PRKG1: variants seen among roughly 807,000 people sequenced by gnomAD.
PRKG1 encodes protein kinase cGMP-dependent 1, also known as cGMP-dependent protein kinase 1.
A neutral mutation model predicts 88.1 loss-of-function variants in PRKG1; 35 were observed. The observed-to-expected ratio is 0.40, with a 90% CI of 0.30 to 0.53. The LOEUF (loss-of-function observed/expected upper bound fraction) is 0.53. Ranked by LOEUF, PRKG1 falls within the 20% of genes least tolerant of loss-of-function variation. The pLI is 0.59. For synonymous variants in PRKG1, 303 were observed against 292.5 expected, an observed-to-expected ratio of 1.04 and a Z score of -0.37; for missense variants, 540 against 839.8, an observed-to-expected ratio of 0.64 and a Z score of 4.41.
intron 5 of PRKG1, among the ~76,000 whole-genome samples, chr10:51,978,473 AAC>A (rs1843907953): frequency 1.4e-5 from 2 of 147,426 alleles, no homozygotes; most frequent in Non-Finnish European, 3.0e-5. Context: ...TGAATTTTTA[AAC>A]AGTTTTATGT....
chr10:51,622,989 C>A (rs1163136673), intron 3 of PRKG1, among the ~76,000 whole-genome samples: 1 of 152,178 alleles, frequency 6.6e-6, no homozygotes, highest in East Asian at 1.9e-4. Flanking sequence ...GACAATTACT[C>A]AAATTTCTCT....
At chr10:51,215,456 C>A (rs1838347249) in intron 2 of PRKG1, among the ~76,000 whole-genome samples, 1 of 151,990 alleles carries the variant, frequency 6.6e-6, no homozygotes, top group Non-Finnish European at 1.5e-5. Context: ...GGAGTGAGAA[C>A]AGGTGTTGAA....
intron 5 of PRKG1, among the ~76,000 whole-genome samples, chr10:51,934,562 A>G (rs1408681560): frequency 6.6e-6 from 1 of 151,990 alleles, no homozygotes; most frequent in Non-Finnish European, 1.5e-5. Flanking sequence ...AGGTCAGTAT[A>G]GGGGTTCTGC....
chr10:52,202,105 G>A (rs1360712131), intron 9 of PRKG1, among the ~76,000 whole-genome samples: 1 of 151,996 alleles, frequency 6.6e-6, no homozygotes, highest in Non-Finnish European at 1.5e-5. Context: ...GAATAGGAGT[G>A]GTGAGAATTA....
intron 2 of PRKG1, among the ~76,000 whole-genome samples, chr10:51,419,125 T>C (rs769499430): frequency 1.3e-5 from 2 of 152,212 alleles, no homozygotes; most frequent in Non-Finnish European, 2.9e-5. Flanking sequence ...AAGTCATGTA[T>C]TGTGATTTTT....
At chr10:51,921,361 G>C (rs72801429) in intron 5 of PRKG1, among the ~76,000 whole-genome samples, 109 of 152,084 alleles carry the variant, frequency 7.2e-4, no homozygotes, top group Middle Eastern at 3.4e-3. Context: ...TTATGATTGA[G>C]GACAATTTTA....
chr10:51,503,051 T>C (rs1482785828), intron 3 of PRKG1, among the ~76,000 whole-genome samples: 3 of 152,154 alleles, frequency 2.0e-5, no homozygotes, highest in African/African-American at 7.2e-5. Context: ...CTGAAGTCCC[T>C]AACTTCTAAC....
chr10:51,195,736 T>A (rs1470773852), intron 2 of PRKG1, among the ~76,000 whole-genome samples: 1 of 152,142 alleles, frequency 6.6e-6, no homozygotes, highest in Non-Finnish European at 1.5e-5. Context: ...TTATGTCTCT[T>A]AGAAAATTGT....
chr10:51,050,183 T>A (rs1843544144), intron 1 of PRKG1, among the ~76,000 whole-genome samples: 1 of 151,792 alleles, frequency 6.6e-6, no homozygotes, highest in South Asian at 2.1e-4. Flanking sequence ...TTTAACATAA[T>A]ATCTATCCTC....
At chr10:51,034,668 T>TTTTATA (rs9299454) in intron 1 of PRKG1, among the ~76,000 whole-genome samples, 3,247 of 68,012 alleles carry the variant, frequency 0.048, 219 homozygotes, top group African/African-American at 0.065. Flanking sequence ...AATATGTTAT[T>TTTTATA]TATATATATA....
rs1280649688 is a variant in PRKG1 at position 50,999,285 on chromosome 10, A to C, written c.266+7641A>C. Among the ~76,000 whole-genome samples the C allele has an allele frequency of 2.0e-5, 3 of 152,306 alleles. No homozygotes were observed. In the South Asian group the frequency reaches 6.2e-4, roughly 32 times the overall value. On this transcript the variant is annotated intron_variant, in intron 1 of 17. Transcript: ENST00000401604. ...TTGATTTTGTTATGTATTTGAACCC[A>C]CTGATAGCACTTTCATGTGCAAGAT...
intron 3 of PRKG1, among the ~76,000 whole-genome samples, chr10:51,704,418 C>G (rs1176918704): frequency 6.6e-6 from 1 of 152,150 alleles, no homozygotes; most frequent in Non-Finnish European, 1.5e-5. Context: ...AAGGACGGAG[C>G]CTGTGGCATT....
chr10:51,321,529 A>G (rs1412455331), intron 2 of PRKG1, among the ~76,000 whole-genome samples: 1 of 152,136 alleles, frequency 6.6e-6, no homozygotes, highest in Non-Finnish European at 1.5e-5. Flanking sequence ...GACAAACATC[A>G]CATGTTCTCA....
At chr10:51,325,232 A>AT (rs1438784983) in intron 2 of PRKG1, among the ~76,000 whole-genome samples, 10 of 152,160 alleles carry the variant, frequency 6.6e-5, no homozygotes, top group South Asian at 2.1e-4. Context: ...GATGATAATG[A>AT]TTTTTTTGAA....
At chr10:52,139,118 T>G (rs1837505522) in intron 8 of PRKG1, among the ~76,000 whole-genome samples, 1 of 152,066 alleles carries the variant, frequency 6.6e-6, no homozygotes, top group African/African-American at 2.4e-5. Context: ...ACTAGGCAAT[T>G]TTTATATTTA....
chr10:51,050,439 T>C (rs1208983596), intron 1 of PRKG1, among the ~76,000 whole-genome samples: 3 of 152,174 alleles, frequency 2.0e-5, no homozygotes, highest in Non-Finnish European at 4.4e-5. Context: ...GACTGTCTTA[T>C]TTCACTTAGC....
intron 3 of PRKG1, among the ~76,000 whole-genome samples, chr10:51,630,410 A>G (rs1839493725): frequency 6.6e-6 from 1 of 152,168 alleles, no homozygotes; most frequent in Non-Finnish European, 1.5e-5. Context: ...AACCTCTTTG[A>G]CCTGGGTAGC....
At chr10:51,083,559 C>G (rs761225367) in intron 1 of PRKG1, among the ~76,000 whole-genome samples, 11 of 149,116 alleles carry the variant, frequency 7.4e-5, no homozygotes, top group Non-Finnish European at 1.6e-4. Context: ...TTAAGGCAAA[C>G]AGCGTGAGCT....
chr10:51,628,049 TC>T (rs1320541746), intron 3 of PRKG1, among the ~76,000 whole-genome samples: 1 of 145,162 alleles, frequency 6.9e-6, no homozygotes, highest in African/African-American at 2.5e-5. Context: ...CTTCCTTCTT[TC>T]CTTTCCTTTC....
Sources: gnomAD v4.1 joint callset for allele counts (sites outside exome capture counted in the v4.1 genomes callset) on GRCh38, gnomAD v4.1.1 for gene constraint, MANE v1.5 for transcripts, NCBI Gene and HGNC (gene_info 2026-07-23, HGNC 2026-07-21) for gene names.